Variants in PDE8B observed in about 807,000 individuals in gnomAD.
PDE8B encodes high affinity cAMP-specific and IBMX-insensitive 3',5'-cyclic phosphodiesterase 8B.
In PDE8B, 26 loss-of-function variants were observed where a neutral mutation model predicts 101.3. The observed-to-expected ratio is 0.26, with a 90% CI of 0.19 to 0.36. The LOEUF is 0.36. PDE8B is among the 10% of genes least tolerant of loss of function. The pLI is 1.00. For synonymous variants in PDE8B, 424 were observed against 429.3 expected (o/e 0.99, Z 0.15); for missense variants, 810 against 1,163.1 (o/e 0.70, Z 4.42).
chr5:77,417,176 G>A (rs1795749539), intron 17 of PDE8B, among the ~76,000 whole-genome samples: 1 of 152,162 alleles, frequency 6.6e-6, no homozygotes, highest in Admixed American at 6.5e-5. Context: ...TACCTTTCAA[G>A]TGTCCAGTAG....
chr5:77,160,539 A>G, the PDE8B span, among the ~76,000 whole-genome samples: 3 of 152,146 alleles, frequency 2.0e-5, no homozygotes, highest in Non-Finnish European at 4.4e-5. Flanking sequence ...TTGATTTCTA[A>G]AGAGTTGGAG....
the PDE8B span, among the ~76,000 whole-genome samples, chr5:77,149,650 G>C: frequency 6.6e-6 from 1 of 151,688 alleles, no homozygotes; most frequent in Non-Finnish European, 1.5e-5. Flanking sequence ...TATTTTTTGG[G>C]CTTGACATTG....
At chr5:77,328,931 G>A (rs1776582352) in intron 3 of PDE8B, 67 bp from the exon 4 acceptor site, 11 of 1,191,620 alleles carry the variant, frequency 9.2e-6, no homozygotes, top group Non-Finnish European at 1.4e-5. Flanking sequence ...GTGTGAAGAA[G>A]TTCCACATTC....
intron 9 of PDE8B, among the ~76,000 whole-genome samples, chr5:77,351,885 G>T (rs4704414): frequency 0.6 from 91,036 of 151,944 alleles, 27,451 homozygotes; most frequent in African/African-American, 0.66. Context: ...ATCCTGCCAG[G>T]AACTGGAACA....
chr5:77,166,259 A>C, the PDE8B span, among the ~76,000 whole-genome samples: 221 of 151,494 alleles, frequency 1.5e-3, 1 homozygote, highest in African/African-American at 4.4e-3. Context: ...AACAAAAAAA[A>C]CCCCACAACC....
the PDE8B span, among the ~76,000 whole-genome samples, chr5:77,127,925 C>G: frequency 6.6e-6 from 1 of 152,200 alleles, no homozygotes; most frequent in African/African-American, 2.4e-5. Context: ...TCTGTCTCCT[C>G]TATGACTTTG....
In PDE8B at chr5:77,426,767, A is replaced by G. The variant is rs1798218277; in HGVS notation, c.*213A>G. 1.8e-6 allele frequency: 1 copy of G among 546,450 alleles called. No individual in the cohort carries two copies. Among genetic ancestry groups the G allele is most frequent in the East Asian group, 3.3e-5 (1 of 30,274 alleles). 33.9% of individuals were successfully genotyped at this position (546,450 alleles called of 1,614,324 possible). On this transcript the variant is annotated 3_prime_UTR_variant, in exon 22 of 22. Coordinates refer to ENST00000264917, the MANE Select transcript of PDE8B (RefSeq NM_003719.5). ...TATATGTTCTTTTGAATACTTAATG[A>G]CAGAACAAATACTTGGCAAACTCCT...
the PDE8B span, among the ~76,000 whole-genome samples, chr5:77,121,375 G>A: frequency 2.6e-5 from 4 of 152,144 alleles, no homozygotes; most frequent in Non-Finnish European, 5.9e-5. Context: ...AGTGATTATG[G>A]GGGGAGGAAA....
chr5:77,232,900 TA>T (rs1176665944), intron 1 of PDE8B, among the ~76,000 whole-genome samples: 1 of 152,118 alleles, frequency 6.6e-6, no homozygotes, highest in Non-Finnish European at 1.5e-5. Flanking sequence ...ACAAATGCAA[TA>T]AAAAACCAAT....
At chr5:77,307,973 G>C (rs1771640520) in intron 1 of PDE8B, among the ~76,000 whole-genome samples, 1 of 152,178 alleles carries the variant, frequency 6.6e-6, no homozygotes, top group Non-Finnish European at 1.5e-5. Context: ...TTCATTCTTT[G>C]AAGTAGAGAA....
intron 1 of PDE8B, among the ~76,000 whole-genome samples, chr5:77,228,655 C>T (rs1442407364): frequency 6.6e-6 from 1 of 152,070 alleles, no homozygotes; most frequent in East Asian, 1.9e-4. Context: ...TCTGTGTAAA[C>T]CATGTGTGGA....
chr5:77,146,851 G>A, the PDE8B span: 1 of 349,736 alleles, frequency 2.9e-6, no homozygotes, highest in Non-Finnish European at 5.8e-6. Context: ...GGATCCCAAT[G>A]CACCCAAGAG....
chr5:77,095,479 G>A, the PDE8B span, among the ~76,000 whole-genome samples: 1 of 152,146 alleles, frequency 6.6e-6, no homozygotes, highest in Non-Finnish European at 1.5e-5. Flanking sequence ...GCTGATCTGA[G>A]CACAGTGGTT....
the PDE8B span, among the ~76,000 whole-genome samples, chr5:77,203,725 A>G: frequency 2.6e-5 from 4 of 152,164 alleles, no homozygotes; most frequent in African/African-American, 9.7e-5. Context: ...CCCAAACTCC[A>G]TAGAAATAGG....
chr5:77,250,298 G>A (rs1757812613), intron 1 of PDE8B, among the ~76,000 whole-genome samples: 1 of 152,172 alleles, frequency 6.6e-6, no homozygotes, highest in Non-Finnish European at 1.5e-5. Flanking sequence ...GGAACTTGGG[G>A]ATTGAAACAA....
intron 1 of PDE8B, among the ~76,000 whole-genome samples, chr5:77,296,693 A>G (rs1768653021): frequency 6.6e-6 from 1 of 152,210 alleles, no homozygotes; most frequent in Non-Finnish European, 1.5e-5. Flanking sequence ...TGAGATGATC[A>G]TATATTGACT....
intron 10 of PDE8B, among the ~76,000 whole-genome samples, chr5:77,370,384 C>A (rs1208769688): frequency 1.3e-5 from 2 of 152,156 alleles, no homozygotes; most frequent in African/African-American, 4.8e-5. Context: ...TTTGCCTGTT[C>A]TAGAATTTCA....
At chr5:77,098,119 C>T in the PDE8B span, among the ~76,000 whole-genome samples, 2 of 151,950 alleles carry the variant, frequency 1.3e-5, no homozygotes, top group African/African-American at 2.4e-5. Context: ...ATGGAAGAAA[C>T]GTATGTCAAA....
chr5:77,371,490 T>G (rs1023375011), intron 10 of PDE8B, among the ~76,000 whole-genome samples: 1 of 152,212 alleles, frequency 6.6e-6, no homozygotes, highest in African/African-American at 2.4e-5. Flanking sequence ...TTGCATGCTT[T>G]CTTAATTACT....
Sources: allele counts gnomAD v4.1 joint callset (sites outside exome capture counted in the v4.1 genomes callset), GRCh38; gene constraint gnomAD v4.1.1; transcripts MANE v1.5; gene names NCBI Gene and HGNC (gene_info 2026-07-23, HGNC 2026-07-21).